CUL5: variants seen among roughly 807,000 people sequenced by gnomAD.
CUL5 encodes cullin 5, also known as cullin-5.
A neutral mutation model predicts 108.8 loss-of-function variants in CUL5; 26 were observed. The observed-to-expected ratio is 0.24, with a 90% CI of 0.18 to 0.33. The LOEUF is 0.33. Ranked by LOEUF, CUL5 falls within the 10% of genes least tolerant of loss-of-function variation. The pLI, the probability that CUL5 is intolerant of heterozygous loss-of-function variation, is 1.00. For missense variants in CUL5, 524 were observed against 909.2 expected (o/e 0.58, Z 5.45); for synonymous variants, 334 against 298.0 (o/e 1.12, Z -1.25).
chr11:108,026,729 G>A (rs184349638), intron 1 of CUL5, among the ~76,000 whole-genome samples: 358 of 152,178 alleles, frequency 2.4e-3, no homozygotes, highest in Non-Finnish European at 4.2e-3. Flanking sequence ...AGTGGCTCAC[G>A]TTTGTAATCC....
intron 7 of CUL5, among the ~76,000 whole-genome samples, chr11:108,062,024 CCT>C (rs1863549002): frequency 6.6e-6 from 1 of 152,120 alleles, no homozygotes; most frequent in Admixed American, 6.5e-5. Context: ...CCACCAGGTC[CCT>C]GTCTCAACAC....
chr11:108,075,888 C>G (rs903769723), intron 10 of CUL5, among the ~76,000 whole-genome samples: 8 of 152,156 alleles, frequency 5.3e-5, no homozygotes, highest in Non-Finnish European at 7.3e-5. Context: ...GCCCTGTCAT[C>G]TCACTGGTGA....
chr11:108,073,008 C>A (rs1044066835), intron 9 of CUL5, among the ~76,000 whole-genome samples: 1 of 151,976 alleles, frequency 6.6e-6, no homozygotes. Flanking sequence ...CGAGACTATC[C>A]TGGCTAACAT....
At chr11:108,089,191 G>A (rs1455978960) in intron 12 of CUL5, among the ~76,000 whole-genome samples, 1 of 151,984 alleles carries the variant, frequency 6.6e-6, no homozygotes, top group African/African-American at 2.4e-5. Flanking sequence ...ATAAGTAGAA[G>A]AGACACTTTG....
At chr11:108,063,868 C>T (rs1233928743) in intron 7 of CUL5, among the ~76,000 whole-genome samples, 2 of 152,050 alleles carry the variant, frequency 1.3e-5, no homozygotes, top group East Asian at 3.9e-4. Flanking sequence ...TACGAGGGTT[C>T]CTTTTTCTAC....
chr11:108,039,650 G>T (rs1591289974), intron 2 of CUL5, among the ~76,000 whole-genome samples: 1 of 152,182 alleles, frequency 6.6e-6, no homozygotes. Flanking sequence ...CCTCTCCTCA[G>T]CTCCATTTTA....
Position 108,073,505 on chromosome 11 carries a change from T to TAGGAA in CUL5, c.1113+8_1113+9insAGGAA. 7.9e-7 allele frequency: 1 copy of TAGGAA among 1,266,968 alleles called. No individual in the cohort carries two copies. Among genetic ancestry groups the TAGGAA allele is most frequent in the Non-Finnish European group, 1.1e-6 (1 of 905,250 alleles). 78.5% of individuals were successfully genotyped at this position (1,266,968 alleles called of 1,614,324 possible). On this transcript the variant is annotated intron_variant, in intron 10 of 18. Transcript: ENST00000393094. ...CTTACTGCAAGAGATAAGGTATATATTCCTATATATATAAAAAACACTTTT... is the reference window on the plus strand; with the variant it reads ...CTTACTGCAAGAGATAAGGTATATATAGGAATCCTATATATATAAAAAACACTTTT...
intron 2 of CUL5, 144 bp downstream of exon 2, chr11:108,034,055 C>T (rs1311726352): frequency 3.4e-6 from 2 of 590,616 alleles, no homozygotes; most frequent in Admixed American, 6.4e-5. Context: ...TCCAAGACCT[C>T]TCCCAGGTAT....
rs200991204 is a variant in CUL5, at chr11:108,048,648, C to CTTTTTTTTTTTTTT, written c.235-1219_235-1206dup. On this transcript the variant is annotated intron_variant, in intron 3 of 18. Coordinates refer to ENST00000393094, the MANE Select transcript of CUL5 (RefSeq NM_003478.6). Reference sequence around the variant, plus strand: ...ATAGTGGGGAAATAGACTCCACCACCTTTTTTTTTTTTTTTTTTTTTTTTT... The same window carrying CTTTTTTTTTTTTTT: ...ATAGTGGGGAAATAGACTCCACCACCTTTTTTTTTTTTTTTTTTTTTTTTTTTTTTTTTTTTTTT... 9.0e-4 allele frequency among the ~76,000 whole-genome samples: 105 copies of CTTTTTTTTTTTTTT among 116,834 alleles called. 1 individual carries two copies. The highest frequency in any genetic ancestry group is 1.3e-3 in the South Asian group (5 of 3,724). 76.6% of individuals were successfully genotyped at this position (116,834 alleles called of 152,430 possible). A position where few individuals can be genotyped will look rare whatever the true frequency, so the allele number is the denominator to read the frequency against.
At chr11:108,050,460 G>C (rs1863187701) in intron 4 of CUL5, among the ~76,000 whole-genome samples, 1 of 151,680 alleles carries the variant, frequency 6.6e-6, no homozygotes, top group African/African-American at 2.4e-5. Flanking sequence ...TCCGCCTCCT[G>C]TGTTCAAGCA....
At chr11:108,070,330 T>C (rs1393451369) in intron 8 of CUL5, 141 bp downstream of exon 8, 4 of 540,606 alleles carry the variant, frequency 7.4e-6, no homozygotes, top group Non-Finnish European at 1.3e-5. Flanking sequence ...CTTAAGGAAA[T>C]AGATAAAATA....
chr11:108,094,724 T>C lies in CUL5; in HGVS notation c.1568-88T>C, dbSNP rs114744657. ...TTTTAACAAAATCTTTATAGTCTTATTGATTTTTCACCCAAAGTTACCCTG... is the reference window on the plus strand; with the variant it reads ...TTTTAACAAAATCTTTATAGTCTTACTGATTTTTCACCCAAAGTTACCCTG... On this transcript the variant is annotated intron_variant, in intron 14 of 18. Transcript: ENST00000393094. 790 of 1,094,750 alleles carry C rather than the reference T, an allele frequency of 7.2e-4. 8 individuals carry two copies. The African/African-American group carries it at 0.011, about 15-fold the overall frequency. The allele number at this position is 1,094,750 out of a possible 1,614,324, so 67.8% of individuals were successfully genotyped here. A position where few individuals can be genotyped will look rare whatever the true frequency, so the allele number is the denominator to read the frequency against.
intron 13 of CUL5, among the ~76,000 whole-genome samples, chr11:108,092,779 A>G (rs760227136): frequency 6.6e-6 from 1 of 152,052 alleles, no homozygotes; most frequent in Non-Finnish European, 1.5e-5. Context: ...CTGTAGATAT[A>G]CTAAACTTCA....
intron 7 of CUL5, among the ~76,000 whole-genome samples, chr11:108,055,776 G>A (rs914442978): frequency 3.3e-5 from 5 of 151,858 alleles, no homozygotes; most frequent in African/African-American, 7.3e-5. Context: ...GACTACAAGC[G>A]CATGCCACCA....
Position 108,095,587 on chromosome 11 carries a change from G to A in CUL5, c.1801G>A (p.Ala601Thr). The A allele has an allele frequency of 3.1e-6, 5 of 1,613,670 alleles. No individual in the cohort carries two copies. The highest frequency in any genetic ancestry group is 4.2e-6 in the Non-Finnish European group (5 of 1,179,700). The change falls in exon 16 of 19, where the codon GCT (alanine) becomes ACT (threonine). Residue 601 changes from alanine to threonine, a missense_variant. Physicochemically the swap from Ala to Thr is moderately conservative, Grantham distance 58 (BLOSUM62 0). Around this residue, in one of 8 missense-constraint regions of CUL5, gnomAD observed 64 missense variants for 152.0 expected, o/e 0.42. Coordinates refer to ENST00000393094, the MANE Select transcript of CUL5 (RefSeq NM_003478.6). ...YDLEVTTFQL[A>T]VLFAWNQRPR... ...TTTGGAGGTAACCACGTTTCAGCTC[G>A]CTGTATTGTTTGCATGGAACCAAAG...
intron 2 of CUL5, among the ~76,000 whole-genome samples, chr11:108,037,645 TCTACCAGGGAAG>T (rs1412105853): frequency 6.6e-6 from 1 of 152,198 alleles, no homozygotes; most frequent in Non-Finnish European, 1.5e-5. Context: ...TAAAATATTG[TCTACCAGGGAAG>T]CTAATTAGGG....
chr11:108,066,497 A>C (rs1301695343), intron 7 of CUL5, among the ~76,000 whole-genome samples: 1 of 152,090 alleles, frequency 6.6e-6, no homozygotes, highest in African/African-American at 2.4e-5. Context: ...TCACTCTGTT[A>C]CTTTTTTTTT....
At chr11:108,101,114 T>G (rs1864651604) in intron 18 of CUL5, among the ~76,000 whole-genome samples, 1 of 152,234 alleles carries the variant, frequency 6.6e-6, no homozygotes, top group African/African-American at 2.4e-5. Flanking sequence ...TGTCTTAATG[T>G]GACCCATAAT....
chr11:108,055,947 T>A (rs1468585677), intron 7 of CUL5, among the ~76,000 whole-genome samples: 2 of 152,184 alleles, frequency 1.3e-5, no homozygotes, highest in East Asian at 1.9e-4. Context: ...CTAATTTTTT[T>A]ATTTTATTTT....
Sources: gnomAD v4.1 joint callset for allele counts (sites outside exome capture counted in the v4.1 genomes callset) on GRCh38, gnomAD v4.1.1 for gene constraint, gnomAD v4.1.1 regional missense constraint, MANE v1.5 for transcripts, NCBI Gene and HGNC (gene_info 2026-07-23, HGNC 2026-07-21) for gene names.